SCNN1D: variants seen among roughly 807,000 people sequenced by gnomAD.
The protein encoded by SCNN1D is sodium channel epithelial 1 subunit delta, also known as epithelial sodium channel subunit delta.
A neutral mutation model predicts 87.8 loss-of-function variants in SCNN1D; 104 were observed. The ratio of observed to expected loss-of-function variants is 1.18; its 90% CI spans 1.01 to 1.39. The LOEUF (loss-of-function observed/expected upper bound fraction) is 1.39, where lower values mean the gene tolerates loss of function less well. SCNN1D is among the 40% of genes most tolerant of loss of function. The probability of loss-of-function intolerance (pLI) is 0.00; values close to 1 mark genes in which losing one functional copy is unlikely to be tolerated. For synonymous variants in SCNN1D, 628 were observed against 481.2 expected (o/e 1.31, Z -3.99); for missense variants, 1,324 against 1,093.9 (o/e 1.21, Z -2.97).
rs767552089 is a variant in SCNN1D, at chr1:1,291,376, C to T, written c.2175C>T (p.Gly725=). The T allele has an allele frequency of 2.9e-5, 46 of 1,608,274 alleles. No homozygotes were observed. The highest frequency in any genetic ancestry group is 6.7e-5 in the Admixed American group (4 of 59,572). ...CTTCTGCCCTCACCCTGGTGCTAGG[C>T]GGCCGCCGGCTCCGCAGGGCGTGGT... ...LDASALTLVL[G]GRRLRRAWFS... Residue 725 remains glycine, a synonymous_variant, in exon 18 of 18, where the codon GGC becomes GGT. Transcript: ENST00000379116.
chr1:1,291,154 C>G lies in SCNN1D; in HGVS notation c.2052+14C>G, dbSNP rs745372397. On this transcript the variant is annotated intron_variant, in intron 17 of 17. Transcript: ENST00000379116. ...CCCGTGTACTCGGTGAGCCTTGGCCCCCTGCCTGGGCTAGAGCGGGGGCAG... is the reference window on the plus strand; with the variant it reads ...CCCGTGTACTCGGTGAGCCTTGGCCGCCTGCCTGGGCTAGAGCGGGGGCAG... 3.7e-6 allele frequency: 6 copies of G among 1,610,256 alleles called. No homozygotes were observed. The highest frequency in any genetic ancestry group is 1.3e-5 in the African/African-American group (1 of 75,014).
At position 1,284,098 on chromosome 1, in the gene SCNN1D, G is replaced by T. The variant is rs779647259; in HGVS notation, c.464+8G>T. The stretch of plus-strand genomic sequence containing the variant: ...GGGGGCTCTCACCTCCAGGTACCGT[G>T]GGGGGGGGTGAGGGGGGTGGGGGGG... On this transcript the variant is annotated splice_region_variant and intron_variant, in intron 5 of 17. Transcript: ENST00000379116. 2 of 166,210 alleles carry T rather than the reference G, an allele frequency of 1.2e-5. No individual in the cohort carries two copies. Among genetic ancestry groups the T allele is most frequent in the Non-Finnish European group, 1.4e-5 (2 of 144,276 alleles). The allele number at this position is 166,210 out of a possible 1,614,324, so 10.3% of individuals were successfully genotyped here.
rs111752405 is a variant in SCNN1D at position 1,280,519 on chromosome 1, T to A, written c.-143T>A. On this transcript the variant is annotated 5_prime_UTR_variant, in exon 1 of 18. An upstream start codon of the reference 5' UTR is lost. Coordinates refer to ENST00000379116, the MANE Select transcript of SCNN1D (RefSeq NM_001130413.4). ...TAGAAGGGAATGTCTGGTTACAGTATGGCGTTGTGCAGATGAAGGTCTTAT... is the reference window on the plus strand; with the variant it reads ...TAGAAGGGAATGTCTGGTTACAGTAAGGCGTTGTGCAGATGAAGGTCTTAT... 1.6e-6 allele frequency: 1 copy of A among 612,234 alleles called. No individual in the cohort carries two copies. The allele number at this position is 612,234 out of a possible 1,614,324, so 37.9% of individuals were successfully genotyped here. A position where few individuals can be genotyped will look rare whatever the true frequency, so the allele number is the denominator to read the frequency against.
intron 12 of SCNN1D, among the ~76,000 whole-genome samples, 185 bp downstream of exon 12, chr1:1,288,222 C>CCCGA (rs1491260260): frequency 7.7e-6 from 1 of 129,502 alleles, no homozygotes; most frequent in African/African-American, 2.9e-5. Context: ...TGCTCCGTCC[C>CCCGA]GTGTCTCTGC....
Position 1,290,629 on chromosome 1 carries a change from T to C in SCNN1D, c.1860-8T>C. On this transcript the variant is annotated splice_polypyrimidine_tract_variant and splice_region_variant and intron_variant, in intron 14 of 17. Transcript: ENST00000379116. The stretch of plus-strand genomic sequence containing the variant: ...GCGTGGCAGGTGACACCCGGCTGTC[T>C]CTTCCAGGGAGTCTGCATTCAAGCT... The C allele has an allele frequency of 6.2e-7, 1 of 1,612,616 alleles. No individual in the cohort carries two copies. Among genetic ancestry groups the C allele is most frequent in the Non-Finnish European group, 8.5e-7 (1 of 1,179,924 alleles).
intron 7 of SCNN1D, among the ~76,000 whole-genome samples, chr1:1,286,485 T>TGCCCCCTGGAGGGACACC (rs1007600046): frequency 3.3e-5 from 5 of 152,072 alleles, no homozygotes; most frequent in African/African-American, 1.2e-4. Context: ...GTGTGGTCAC[T>TGCCCCCTGGAGGGACACC]GCCCCCTGGA....
At chr1:1,287,443 C>G (rs912125438) in intron 9 of SCNN1D, 65 bp from the exon 10 acceptor site, 10 of 1,487,788 alleles carry the variant, frequency 6.7e-6, no homozygotes, top group African/African-American at 4.2e-5. Flanking sequence ...GCCATGGCCC[C>G]TCAGGCCAGC....
intron 16 of SCNN1D, 40 bp downstream of exon 16, chr1:1,290,993 C>G (rs367857733): frequency 1.3e-6 from 2 of 1,594,016 alleles, no homozygotes; most frequent in Non-Finnish European, 1.7e-6. Flanking sequence ...ATCACAGCCC[C>G]TCTCCCCTCA....
At position 1,286,735 on chromosome 1, in the gene SCNN1D, C is replaced by G. The variant is rs763389192; in HGVS notation, c.912-33C>G. ...CTGGGGCCAGTGTGAGGCCCCGGGC[C>G]GGCAACTCTGACTCCAGGGCCCTGC... On this transcript the variant is annotated intron_variant, in intron 7 of 17. Transcript: ENST00000379116. 3.1e-6 allele frequency: 5 copies of G among 1,599,248 alleles called. No individual in the cohort carries two copies. The African/African-American group carries it at 4.0e-5, about 13-fold the overall frequency.
In SCNN1D at chr1:1,287,196, G is replaced by C. The variant is rs764293387; in HGVS notation, c.1207G>C (p.Asp403His). Residue 403 changes from aspartate to histidine, a missense_variant, in exon 9 of 18, where the codon GAT becomes CAT. By Grantham distance (81) the Asp-to-His change is moderately conservative. Coordinates refer to ENST00000379116, the MANE Select transcript of SCNN1D (RefSeq NM_001130413.4). Reference protein sequence around the residue: ...VQDWYHFHYVDILALLPAAWE... With the variant: ...VQDWYHFHYVHILALLPAAWE... Reference sequence around the variant, plus strand: ...GGACTGGTACCACTTCCACTATGTGGATATCCTGGCCCTGCTGCCCGCGGC... The same window carrying C: ...GGACTGGTACCACTTCCACTATGTGCATATCCTGGCCCTGCTGCCCGCGGC... 1 of 1,612,166 alleles carries C rather than the reference G, an allele frequency of 6.2e-7. No individual in the cohort carries two copies.
intron 4 of SCNN1D, 82 bp from the exon 5 acceptor site, chr1:1,283,896 T>A: frequency 2.9e-6 from 2 of 681,550 alleles, no homozygotes; most frequent in Non-Finnish European, 4.5e-6. Context: ...CCCTTTTGGG[T>A]CCGGGGCAGG....
chr1:1,290,927 G>A lies in SCNN1D; in HGVS notation c.1950G>A (p.Gly650=). 1 of 1,609,596 alleles carries A rather than the reference G, an allele frequency of 6.2e-7. No homozygotes were observed. Among genetic ancestry groups the A allele is most frequent in the Non-Finnish European group, 8.5e-7 (1 of 1,178,768 alleles). ...GWTLATLGEQ[G]LPHQSHRQRS... Reference sequence around the variant, plus strand: ...CTCTGGCCACGCTAGGTGAACAGGGGCTGCCGCATCAGAGCCACAGACAGA... The same window carrying A: ...CTCTGGCCACGCTAGGTGAACAGGGACTGCCGCATCAGAGCCACAGACAGA... The change falls in exon 16 of 18, where the codon GGG becomes GGA. Residue 650 remains glycine (G), a synonymous_variant. Transcript: ENST00000379116.
rs1640570190 is a variant in SCNN1D, at chr1:1,285,555, A to C, written c.465-16A>C. The stretch of plus-strand genomic sequence containing the variant: ...GCGGGGCGCATGGACACGCTACCGT[A>C]CTTGCCTTTGGGTAGATCGCCTGGG... On this transcript the variant is annotated splice_polypyrimidine_tract_variant and intron_variant, in intron 5 of 17. Transcript: ENST00000379116. 6.7e-7 allele frequency: 1 copy of C among 1,499,762 alleles called. No individual in the cohort carries two copies. The highest frequency in any genetic ancestry group is 1.4e-5 in the African/African-American group (1 of 70,726). 92.9% of individuals were successfully genotyped at this position (1,499,762 alleles called of 1,614,324 possible).
chr1:1,281,392 C>T lies in SCNN1D; in HGVS notation c.78-19C>T, dbSNP rs1032013612. On this transcript the variant is annotated intron_variant, in intron 2 of 17. Coordinates refer to ENST00000379116, the MANE Select transcript of SCNN1D (RefSeq NM_001130413.4). The stretch of plus-strand genomic sequence containing the variant: ...CCAAAGGGAGCCAGGGATGCCTGCC[C>T]GTCCCTTCTCTCATTCAGGCTCACC... 25 of 1,526,182 alleles carry T rather than the reference C, an allele frequency of 1.6e-5. No homozygotes were observed. The African/African-American group carries it at 1.8e-4, about 11-fold the overall frequency. 94.5% of individuals were successfully genotyped at this position (1,526,182 alleles called of 1,614,324 possible). A position where few individuals can be genotyped will look rare whatever the true frequency, so the allele number is the denominator to read the frequency against.
intron 12 of SCNN1D, among the ~76,000 whole-genome samples, chr1:1,289,832 T>C (rs1309357616): frequency 2.9e-4 from 1 of 3,480 alleles, no homozygotes; most frequent in Non-Finnish European, 4.5e-4. Context: ...CCCCCGTGTC[T>C]CTGCCCCGTC....
At chr1:1,282,956 G>A (rs1339615737) in intron 4 of SCNN1D, among the ~76,000 whole-genome samples, 1 of 152,068 alleles carries the variant, frequency 6.6e-6, no homozygotes, top group Non-Finnish European at 1.5e-5. Flanking sequence ...GTTTCACCGT[G>A]TTAGGCAGGA....
chr1:1,287,098 C>T lies in SCNN1D; in HGVS notation c.1120-11C>T. The stretch of plus-strand genomic sequence containing the variant: ...GTAGCCACAGAGCTGACCCTCCCTC[C>T]CCTCTCCCAGTGCAACAGCACGGGC... On this transcript the variant is annotated splice_polypyrimidine_tract_variant and intron_variant, in intron 8 of 17. Coordinates refer to ENST00000379116, the MANE Select transcript of SCNN1D (RefSeq NM_001130413.4). 6 of 1,586,724 alleles carry T rather than the reference C, an allele frequency of 3.8e-6. No homozygotes were observed. Among genetic ancestry groups the T allele is most frequent in the East Asian group, 2.3e-5 (1 of 44,408 alleles).
Position 1,291,563 on chromosome 1 carries a change from G to T in SCNN1D, c.2362G>T (p.Glu788Ter), listed in dbSNP as rs754633644. Residue 788 changes from glutamate (E) to a stop codon, truncating the protein, a stop_gained, in exon 18 of 18, where the codon GAA becomes TAA. Transcript: ENST00000379116. LOFTEE classifies it low-confidence loss of function (END_TRUNC). Reference protein sequence around the residue: ...LPGVLAGVSAEESWAGPQPLE... With the variant: ...LPGVLAGVSA ...AGGGGTTCTGGCGGGAGTCTCAGCC[G>T]AAGAGAGCTGGGCTGGGCCCCAGCC... is the stretch of plus-strand genomic sequence containing the variant. The T allele has an allele frequency of 1.9e-6, 3 of 1,586,030 alleles. No individual in the cohort carries two copies. Among genetic ancestry groups the T allele is most frequent in the East Asian group, 2.3e-5 (1 of 44,310 alleles).
chr1:1,288,270 CCGTCCCCCGAGTCTCTGCT>C lies in SCNN1D; in HGVS notation c.1662+235_1662+253del, dbSNP rs1557584381. 1.3e-3 allele frequency among the ~76,000 whole-genome samples: 136 copies of C among 101,974 alleles called. 13 individuals carry two copies. The highest frequency in any genetic ancestry group is 6.5e-3 in the African/African-American group (103 of 15,902). The allele number at this position is 101,974 out of a possible 152,430, so 66.9% of individuals were successfully genotyped here. ...CTCTGCTCCGTCCCGTGTCTCTGCTCCGTCCCCCGAGTCTCTGCTCCGTCCCGTGTCTGCTCCGTCCCGT... is the reference window on the plus strand; with the variant it reads ...CTCTGCTCCGTCCCGTGTCTCTGCTCCCGTCCCGTGTCTGCTCCGTCCCGT... On this transcript the variant is annotated intron_variant, in intron 12 of 17. Transcript: ENST00000379116.
Sources: gnomAD v4.1 joint callset for allele counts (sites outside exome capture counted in the v4.1 genomes callset) on GRCh38, gnomAD v4.1.1 for gene constraint, MANE v1.5 for transcripts, NCBI Gene and HGNC (gene_info 2026-07-23, HGNC 2026-07-21) for gene names.